The following PNMA6E variants were observed in gnomAD, a reference collection of about 807,000 sequenced individuals.
PNMA6E encodes PNMA family member 6E.
For synonymous variants in PNMA6E, 43 were observed against 17.1 expected (o/e 2.52, Z -3.74); for missense variants, 78 against 50.8 (o/e 1.53, Z -1.63).
chrX:153,399,487 C>T (rs1288428231), intron 1 of PNMA6E, among the ~76,000 whole-genome samples: 10 of 110,915 alleles, frequency 9.0e-5, no homozygotes, highest in Non-Finnish European at 1.3e-4. Context: ...CTGGGACTAC[C>T]GGCACATGCT....
chrX:153,403,054 T>C (rs782481344), upstream of PNMA6E, among the ~76,000 whole-genome samples: 1 of 112,721 alleles, frequency 8.9e-6, no homozygotes, highest in East Asian at 2.8e-4. Flanking sequence ...ACTGAGCTCC[T>C]TGAATCTGTA....
chrX:153,400,857 G>A (rs1197763271), intron 1 of PNMA6E, among the ~76,000 whole-genome samples: 1 of 40,056 alleles, frequency 2.5e-5, no homozygotes, highest in African/African-American at 1.0e-4. Flanking sequence ...CCCCACAGCC[G>A]GAAGCCCTCG....
upstream of PNMA6E, among the ~76,000 whole-genome samples, chrX:153,401,979 C>T: frequency 9.2e-6 from 1 of 109,158 alleles, no homozygotes; most frequent in Non-Finnish European, 1.9e-5. Flanking sequence ...TGCGCACTAC[C>T]ACGCCCAGCT....
chrX:153,408,661 T>C, the PNMA6E span, among the ~76,000 whole-genome samples: 4 of 111,945 alleles, frequency 3.6e-5, no homozygotes, highest in Non-Finnish European at 7.5e-5. Context: ...TCTACAGCAC[T>C]TTTCTGGCAG....
rs1556970584 is a variant in PNMA6E, at chrX:153,397,739, C to G, written c.1111G>C (p.Ala371Pro). The G allele has an allele frequency of 3.3e-6, 1 of 306,494 alleles. No individual in the cohort carries two copies. Among genetic ancestry groups the G allele is most frequent in the African/African-American group, 2.7e-5 (1 of 36,936 alleles). 25.3% of individuals were successfully genotyped at this position (306,494 alleles called of 1,213,427 possible). The change falls in exon 2 of 2, where the codon GCC (alanine) becomes CCC (proline). Residue 371 changes from alanine to proline, a missense_variant. Transcript: ENST00000445091. ...RWLLESLGGPALEVVSGLLEE... is the reference protein window; with the variant it reads ...RWLLESLGGPPLEVVSGLLEE... The stretch of plus-strand genomic sequence containing the variant: ...AGGAGGCCGCTCACGACTTCCAGGG[C>G]CGGGCCGCCCAAGCTCTCCAGCAGC...
At position 153,398,391 on chromosome X, in the gene PNMA6E, C is replaced by A; in HGVS notation, c.459G>T (p.Glu153Asp). 2.3e-6 allele frequency: 1 copy of A among 427,187 alleles called. No individual in the cohort carries two copies. The highest frequency in any genetic ancestry group is 4.1e-6 in the Non-Finnish European group (1 of 246,755). 35.2% of individuals were successfully genotyped at this position (427,187 alleles called of 1,213,427 possible). A position where few individuals can be genotyped will look rare whatever the true frequency, so the allele number is the denominator to read the frequency against. ...CTCCTGCCTCACCTGCTGCTCCTGC[C>A]TCACCTGTTGCTCCTGCCTCACCTG... ...GGTGEAGATGEAGAAGEAGGA... is the reference protein window; with the variant it reads ...GGTGEAGATGDAGAAGEAGGA... Residue 153 changes from glutamate (E) to aspartate (D), a missense_variant, in exon 2 of 2, where the codon GAG (glutamate) becomes GAT (aspartate). Coordinates refer to ENST00000445091, the MANE Select transcript of PNMA6E (RefSeq NM_001367770.1).
upstream of PNMA6E, among the ~76,000 whole-genome samples, chrX:153,404,584 G>A (rs1386802293): frequency 2.7e-5 from 3 of 111,925 alleles, no homozygotes; most frequent in Non-Finnish European, 5.6e-5. Flanking sequence ...CCCCTGTGTT[G>A]GGTATCAACT....
Position 153,398,916 on chromosome X carries a change from A to G in PNMA6E, c.-67T>C. The G allele has an allele frequency of 6.7e-6, 2 of 297,608 alleles. No individual in the cohort carries two copies. 24.5% of individuals were successfully genotyped at this position (297,608 alleles called of 1,213,427 possible). ...TGTGCTGACTGTTGCAGTCTCCGACACAGCCTGTGAGTGCAAAGAGAGAAG... is the reference window on the plus strand; with the variant it reads ...TGTGCTGACTGTTGCAGTCTCCGACGCAGCCTGTGAGTGCAAAGAGAGAAG... On this transcript the variant is annotated 5_prime_UTR_variant, in exon 2 of 2. Transcript: ENST00000445091.
At chrX:153,408,977 G>A in the PNMA6E span, among the ~76,000 whole-genome samples, 18 of 112,675 alleles carry the variant, frequency 1.6e-4, no homozygotes, top group African/African-American at 3.2e-4. Context: ...ACAGCTTGAC[G>A]TCACCCTGGA....
At chrX:153,413,424 T>C in the PNMA6E span, among the ~76,000 whole-genome samples, 1 of 107,364 alleles carries the variant, frequency 9.3e-6, no homozygotes, top group Non-Finnish European at 1.9e-5. Flanking sequence ...GTTCCACCCA[T>C]AGGCTAAGGT....
At chrX:153,410,280 T>A in the PNMA6E span, among the ~76,000 whole-genome samples, 1 of 111,887 alleles carries the variant, frequency 8.9e-6, no homozygotes, top group African/African-American at 3.3e-5. Context: ...TAATGACATC[T>A]GCAGACACCC....
chrX:153,409,711 G>A, the PNMA6E span, among the ~76,000 whole-genome samples: 1 of 112,228 alleles, frequency 8.9e-6, no homozygotes, highest in African/African-American at 3.2e-5. Context: ...TGTGGGACCC[G>A]CAGCCCAGTG....
chrX:153,398,119 G>A lies in PNMA6E; in HGVS notation c.731C>T (p.Ala244Val). The change falls in exon 2 of 2, where the codon GCA becomes GTA. Residue 244 changes from alanine to valine, a missense_variant. Ala to Val is a moderately conservative substitution (Grantham distance 64, BLOSUM62 0). Coordinates refer to ENST00000445091, the MANE Select transcript of PNMA6E (RefSeq NM_001367770.1). The part of the protein sequence containing the change: ...GAGEAGAAGE[A>V]GGAGEGRAAG... Reference sequence around the variant, plus strand: ...TGCTCTTCCCTCACCTGCGCCTCCTGCCTCACCTGCTGCTCCTGCCTCACC... The same window carrying A: ...TGCTCTTCCCTCACCTGCGCCTCCTACCTCACCTGCTGCTCCTGCCTCACC... The A allele has an allele frequency of 2.3e-6, 1 of 443,784 alleles. No individual in the cohort carries two copies. The highest frequency in any genetic ancestry group is 3.9e-5 in the East Asian group (1 of 25,459). 36.6% of individuals were successfully genotyped at this position (443,784 alleles called of 1,213,427 possible).
chrX:153,401,226 C>A lies in PNMA6E; in HGVS notation c.-72+18G>T, dbSNP rs73640037. The A allele has an allele frequency of 0.026, 2,847 of 108,550 alleles. 121 individuals are homozygous for A. The highest frequency in any genetic ancestry group is 0.092 in the African/African-American group (2,699 of 29,431). The allele number at this position is 108,550 out of a possible 1,213,427, so 8.9% of individuals were successfully genotyped here. On this transcript the variant is annotated intron_variant, in intron 1 of 1. Coordinates refer to ENST00000445091, the MANE Select transcript of PNMA6E (RefSeq NM_001367770.1). Reference sequence around the variant, plus strand: ...CCTCCTGGGCCTGGGTCCTGGCAAACCCCCGCGGTCTACTCACTTTCTCAA... The same window carrying A: ...CCTCCTGGGCCTGGGTCCTGGCAAAACCCCGCGGTCTACTCACTTTCTCAA...
chrX:153,398,764 T>C lies in PNMA6E; in HGVS notation c.86A>G (p.Asp29Gly), dbSNP rs1556970870. ...RSLLILGIPD[D>G]CKEHEFQEAV... Reference sequence around the variant, plus strand: ...CTCCTGGAACTCATGTTCCTTGCAGTCATCAGGGATACCCAGGATGAGCAG... The same window carrying C: ...CTCCTGGAACTCATGTTCCTTGCAGCCATCAGGGATACCCAGGATGAGCAG... The change falls in exon 2 of 2, where the codon GAC (aspartate) becomes GGC (glycine). Residue 29 changes from aspartate (D) to glycine (G), a missense_variant. Transcript: ENST00000445091. 1 of 303,209 alleles carries C rather than the reference T, an allele frequency of 3.3e-6. No individual in the cohort carries two copies. Among genetic ancestry groups the C allele is most frequent in the South Asian group, 1.8e-4 (1 of 5,568 alleles). The allele number at this position is 303,209 out of a possible 1,213,427, so 25.0% of individuals were successfully genotyped here.
chrX:153,399,416 G>A (rs2088834384), intron 1 of PNMA6E, among the ~76,000 whole-genome samples: 1 of 110,657 alleles, frequency 9.0e-6, no homozygotes, highest in Non-Finnish European at 1.9e-5. Flanking sequence ...CTTGATCTCG[G>A]CTCAGTGCAG....
the PNMA6E span, among the ~76,000 whole-genome samples, chrX:153,410,553 G>C: frequency 8.9e-6 from 1 of 112,377 alleles, no homozygotes; most frequent in Non-Finnish European, 1.9e-5. Context: ...CCCTGCAACC[G>C]GAGGTTCCCT....
rs1269445358 is a variant in PNMA6E, at chrX:153,396,072, C to T, written c.*834G>A. On this transcript the variant is annotated 3_prime_UTR_variant, in exon 2 of 2. Coordinates refer to ENST00000445091, the MANE Select transcript of PNMA6E (RefSeq NM_001367770.1). ...ACGCAGCCCCGCTGTGCCCCGGGTC[C>T]GGTTCTTCTTCCCGCAGTCAGGGTC... 1.8e-4 allele frequency: 22 copies of T among 120,496 alleles called. No homozygotes were observed. The highest frequency in any genetic ancestry group is 3.9e-4 in the Non-Finnish European group (21 of 53,335). The allele number at this position is 120,496 out of a possible 1,213,427, so 9.9% of individuals were successfully genotyped here.
In PNMA6E at chrX:153,398,739, C is replaced by T; in HGVS notation, c.111G>A (p.Glu37=). ...GGGGCGACAGGGCAGCCCGCACGGC[C>T]TCCTGGAACTCATGTTCCTTGCAGT... ...PDDCKEHEFQ[E]AVRAALSPLG... The change falls in exon 2 of 2, where the codon GAG becomes GAA. Residue 37 remains glutamate, a synonymous_variant. Coordinates refer to ENST00000445091, the MANE Select transcript of PNMA6E (RefSeq NM_001367770.1). 3.3e-6 allele frequency: 1 copy of T among 307,573 alleles called. No individual in the cohort carries two copies. The allele number at this position is 307,573 out of a possible 1,213,427, so 25.3% of individuals were successfully genotyped here.
Sources: gnomAD v4.1 joint callset for allele counts (sites outside exome capture counted in the v4.1 genomes callset) on GRCh38, gnomAD v4.1.1 for gene constraint, MANE v1.5 for transcripts, NCBI Gene and HGNC (gene_info 2026-07-23, HGNC 2026-07-21) for gene names.